KANK1: variants seen among roughly 807,000 people sequenced by gnomAD.
KANK1 encodes KN motif and ankyrin repeat domains 1.
In KANK1, 109 loss-of-function variants were observed where a neutral mutation model predicts 106.2. The ratio of observed to expected loss-of-function variants is 1.03; its 90% CI spans 0.88 to 1.20. The LOEUF is 1.20. KANK1 is among the 50% of genes most tolerant of loss of function. The probability of loss-of-function intolerance (pLI) is 0.00; values close to 1 mark genes in which losing one functional copy is unlikely to be tolerated. For synonymous variants in KANK1, 873 were observed against 652.2 expected (o/e 1.34, Z -5.16); for missense variants, 2,399 against 1,710.7 (o/e 1.40, Z -7.10).
chr9:652,472 G>A lies in KANK1; in HGVS notation c.-83-24418G>A, dbSNP rs565813721. Among the ~76,000 whole-genome samples, 141 of 152,268 alleles carry A rather than the reference G, an allele frequency of 9.3e-4. 2 individuals carry two copies. Among genetic ancestry groups the A allele is most frequent in the African/African-American group, 3.0e-3 (125 of 41,526 alleles). ...TGGTAGGCAGAGTTTGCAGTGAGCC[G>A]AGATCGTGCCATTGCACTCCAGCCT... On this transcript the variant is annotated intron_variant, in intron 1 of 11. Transcript: ENST00000382297.
chr9:538,725 T>A (rs1008399370), intron 1 of KANK1, among the ~76,000 whole-genome samples: 3 of 152,188 alleles, frequency 2.0e-5, no homozygotes, highest in African/African-American at 4.8e-5. Flanking sequence ...TCTGATTGGA[T>A]CAGAGCCTCC....
chr9:655,331 A>G (rs528757870), intron 1 of KANK1, among the ~76,000 whole-genome samples: 1 of 150,566 alleles, frequency 6.6e-6, no homozygotes, highest in South Asian at 2.1e-4. Context: ...AGATCACTCC[A>G]TTGCACTCCA....
At chr9:552,324 A>G (rs2804288) in intron 1 of KANK1, among the ~76,000 whole-genome samples, 72,316 of 152,030 alleles carry the variant, frequency 0.48, 21,241 homozygotes, top group Non-Finnish European at 0.67. Context: ...GGAGGTTCCA[A>G]GGACCTGCCT....
chr9:578,643 T>G (rs1334638895), intron 1 of KANK1, among the ~76,000 whole-genome samples: 1 of 152,116 alleles, frequency 6.6e-6, no homozygotes, highest in Non-Finnish European at 1.5e-5. Context: ...TGTTAAAGCA[T>G]CAGTGCAAGT....
chr9:601,429 C>G (rs1827715742), intron 1 of KANK1, among the ~76,000 whole-genome samples: 1 of 151,806 alleles, frequency 6.6e-6, no homozygotes. Flanking sequence ...CATTCCCTGT[C>G]AGTTATTTCT....
chr9:471,755 A>T (rs748085175), intron 2 of KANK1, among the ~76,000 whole-genome samples: 8 of 152,194 alleles, frequency 5.3e-5, no homozygotes, highest in Non-Finnish European at 1.0e-4. Flanking sequence ...TTAGCCAGGC[A>T]TGGTGGTGCA....
At chr9:575,054 C>A (rs1338943627) in intron 1 of KANK1, among the ~76,000 whole-genome samples, 2 of 151,776 alleles carry the variant, frequency 1.3e-5, no homozygotes, top group African/African-American at 4.9e-5. Context: ...AAAACAAAAA[C>A]AGAAAAAGAT....
intron 1 of KANK1, among the ~76,000 whole-genome samples, chr9:620,257 C>T (rs1832827826): frequency 1.3e-5 from 2 of 152,256 alleles, no homozygotes; most frequent in South Asian, 4.1e-4. Context: ...TACTCAGTGT[C>T]ATTAATCACA....
intron 1 of KANK1, among the ~76,000 whole-genome samples, chr9:657,881 GGTGGTGGTGGT>G (rs1268939489): frequency 6.6e-6 from 1 of 151,890 alleles, no homozygotes; most frequent in Non-Finnish European, 1.5e-5. Flanking sequence ...CTGTTTTCTT[GGTGGTGGTGGT>G]GTGGGGGTGG....
At position 547,549 on chromosome 9, in the gene KANK1, G is replaced by A. The variant is rs550706793; in HGVS notation, c.-84+42795G>A. Reference sequence around the variant, plus strand: ...GGAGACGGATTAAAATAAACTGCTGGCCATGTTGAATCTGAGATAGGCAAG... The same window carrying A: ...GGAGACGGATTAAAATAAACTGCTGACCATGTTGAATCTGAGATAGGCAAG... On this transcript the variant is annotated intron_variant, in intron 1 of 11. Coordinates refer to ENST00000382297, the MANE Select transcript of KANK1 (RefSeq NM_015158.5). Among the ~76,000 whole-genome samples the A allele has an allele frequency of 2.6e-5, 4 of 151,614 alleles. No homozygotes were observed. The East Asian group carries it at 7.7e-4, about 29-fold the overall frequency.
intron 3 of KANK1, among the ~76,000 whole-genome samples, chr9:721,361 G>A (rs1272671472): frequency 2.6e-5 from 4 of 152,156 alleles, no homozygotes; most frequent in African/African-American, 7.2e-5. Flanking sequence ...CAAGAGGTTT[G>A]TAAAAGGTCT....
chr9:568,764 G>A (rs956514789), intron 1 of KANK1, among the ~76,000 whole-genome samples: 1 of 152,160 alleles, frequency 6.6e-6, no homozygotes. Context: ...TTACAGGTGT[G>A]AGCCACCATG....
chr9:532,359 A>G (rs565871203), intron 1 of KANK1, among the ~76,000 whole-genome samples: 16 of 129,476 alleles, frequency 1.2e-4, no homozygotes, highest in African/African-American at 3.4e-4. Context: ...CTCCTGCCTC[A>G]AGCACTTTTT....
chr9:599,653 G>A (rs779254166), intron 1 of KANK1, among the ~76,000 whole-genome samples: 1 of 151,770 alleles, frequency 6.6e-6, no homozygotes, highest in African/African-American at 2.4e-5. Context: ...CCACTTATAT[G>A]CAGGTCCACG....
At chr9:478,091 C>T in intron 3 of KANK1, 1 of 216,244 alleles carries the variant, frequency 4.6e-6, no homozygotes. Flanking sequence ...TCTGCCTCTG[C>T]CGTGAGCATC....
At chr9:585,484 C>G (rs940628977) in intron 1 of KANK1, among the ~76,000 whole-genome samples, 4 of 152,288 alleles carry the variant, frequency 2.6e-5, no homozygotes, top group African/African-American at 9.6e-5. Context: ...ATAAAAGACG[C>G]TTACCTTAAG....
chr9:634,295 A>G (rs1196250517), intron 1 of KANK1, among the ~76,000 whole-genome samples: 1 of 152,054 alleles, frequency 6.6e-6, no homozygotes, highest in Non-Finnish European at 1.5e-5. Context: ...GATGTGCAAA[A>G]TGGTCTAATC....
intron 3 of KANK1, among the ~76,000 whole-genome samples, chr9:719,210 A>G (rs978684808): frequency 6.6e-6 from 1 of 151,460 alleles, no homozygotes; most frequent in African/African-American, 2.4e-5. Flanking sequence ...CTCATGATCC[A>G]CCCACCTCGG....
intron 1 of KANK1, among the ~76,000 whole-genome samples, chr9:666,647 C>G (rs1844654491): frequency 6.6e-6 from 1 of 151,964 alleles, no homozygotes; most frequent in Non-Finnish European, 1.5e-5. Flanking sequence ...GGGTTTTTAT[C>G]AAAAGGGATA....
Sources: gnomAD v4.1 joint callset for allele counts (sites outside exome capture counted in the v4.1 genomes callset) on GRCh38, gnomAD v4.1.1 for gene constraint, MANE v1.5 for transcripts, NCBI Gene and HGNC (gene_info 2026-07-23, HGNC 2026-07-21) for gene names.